The following CADM2 variants were observed in gnomAD, a reference collection of about 807,000 sequenced individuals.
CADM2 encodes the protein cell adhesion molecule 2.
A neutral mutation model predicts 49.8 loss-of-function variants in CADM2; 12 were observed. The observed-to-expected ratio is 0.24, with a 90% confidence interval of 0.15 to 0.39. The LOEUF is 0.39. Among genes scored for constraint, CADM2 ranks in the 10% least tolerant of loss-of-function variants. The pLI, the probability that CADM2 is intolerant of heterozygous loss-of-function variation, is 1.00. For missense variants in CADM2, 378 were observed against 492.3 expected (o/e 0.77, Z 2.20); for synonymous variants, 214 against 175.4 (o/e 1.22, Z -1.74).
intron 1 of CADM2, among the ~76,000 whole-genome samples, chr3:85,400,161 G>A (rs1001663541): frequency 5.5e-4 from 84 of 152,192 alleles, no homozygotes; most frequent in South Asian, 8.3e-4. Context: ...AGCATGAAGC[G>A]TTGTTGAGTT....
chr3:85,203,692 A>C (rs950855638), intron 1 of CADM2, among the ~76,000 whole-genome samples: 1 of 152,238 alleles, frequency 6.6e-6, no homozygotes, highest in African/African-American at 2.4e-5. Context: ...AAAGCCATGC[A>C]GTATCTGCAA....
At chr3:85,701,971 CATAGATAGATAG>C (rs57418964) in intron 1 of CADM2, among the ~76,000 whole-genome samples, 16,547 of 134,150 alleles carry the variant, frequency 0.12, 1,138 homozygotes, top group Non-Finnish European at 0.16. Flanking sequence ...GATAGATAGA[CATAGATAGATAG>C]ATAGATAGAT....
intron 2 of CADM2, among the ~76,000 whole-genome samples, chr3:85,776,712 A>G (rs139466331): frequency 1.3e-5 from 2 of 152,154 alleles, no homozygotes; most frequent in African/African-American, 4.8e-5. Context: ...ATATTTCAAT[A>G]TAAGTGTTAA....
chr3:85,906,764 T>C (rs550962188), intron 5 of CADM2, among the ~76,000 whole-genome samples: 14 of 152,360 alleles, frequency 9.2e-5, no homozygotes, highest in Admixed American at 2.0e-4. Context: ...ATATAGCCAC[T>C]ATGTTTGGTC....
intron 1 of CADM2, among the ~76,000 whole-genome samples, chr3:85,279,400 T>C (rs1264233622): frequency 6.6e-6 from 1 of 151,482 alleles, no homozygotes; most frequent in Non-Finnish European, 1.5e-5. Context: ...CAAAATACCA[T>C]GATAGAAGAT....
intron 1 of CADM2, among the ~76,000 whole-genome samples, chr3:85,689,929 A>T (rs1028757987): frequency 6.6e-6 from 1 of 152,186 alleles, no homozygotes; most frequent in Non-Finnish European, 1.5e-5. Flanking sequence ...GAAAGGAAAA[A>T]ACAGGGCAGT....
intron 8 of CADM2, among the ~76,000 whole-genome samples, chr3:86,026,417 T>C (rs973923137): frequency 6.6e-6 from 1 of 152,104 alleles, no homozygotes; most frequent in African/African-American, 2.4e-5. Flanking sequence ...GATATAATTA[T>C]ACTCACATCC....
intron 6 of CADM2, among the ~76,000 whole-genome samples, chr3:85,933,095 T>C (rs1720797216): frequency 1.3e-5 from 2 of 152,144 alleles, no homozygotes; most frequent in Non-Finnish European, 2.9e-5. Context: ...CCTGCCACTA[T>C]GTAATTTACC....
chr3:85,275,148 T>C (rs1323082066), intron 1 of CADM2, among the ~76,000 whole-genome samples: 3 of 151,582 alleles, frequency 2.0e-5, no homozygotes, highest in Non-Finnish European at 3.0e-5. Context: ...GAAGAATAAC[T>C]TGAGTATTCT....
intron 1 of CADM2, among the ~76,000 whole-genome samples, chr3:85,365,534 A>C (rs962012676): frequency 5.3e-5 from 8 of 152,146 alleles, no homozygotes. Flanking sequence ...ACTGAAATGC[A>C]TGGACAGAAT....
chr3:85,221,712 C>T (rs1347567744), intron 1 of CADM2, among the ~76,000 whole-genome samples: 6 of 152,060 alleles, frequency 3.9e-5, no homozygotes, highest in East Asian at 3.9e-4. Context: ...AACAAGCTAA[C>T]GGTAAGTGGT....
At chr3:85,358,402 T>C (rs1271782305) in intron 1 of CADM2, among the ~76,000 whole-genome samples, 1 of 151,802 alleles carries the variant, frequency 6.6e-6, no homozygotes, top group East Asian at 1.9e-4. Flanking sequence ...AAAATATATA[T>C]ATATAGTTCA....
chr3:85,302,858 T>C (rs1273087848), intron 1 of CADM2, among the ~76,000 whole-genome samples: 2 of 151,846 alleles, frequency 1.3e-5, no homozygotes, highest in African/African-American at 4.8e-5. Context: ...GAATCAAAGG[T>C]TGGACTTGAT....
intron 8 of CADM2, among the ~76,000 whole-genome samples, chr3:85,961,909 T>C (rs1215892210): frequency 1.3e-5 from 2 of 151,832 alleles, no homozygotes; most frequent in Non-Finnish European, 2.9e-5. Flanking sequence ...TGTTGGCTCG[T>C]AAACTATATT....
intron 8 of CADM2, chr3:86,013,518 A>G: frequency 6.2e-7 from 1 of 1,604,720 alleles, no homozygotes; most frequent in Non-Finnish European, 8.5e-7. Flanking sequence ...AGCAGTTAAC[A>G]CGTTGTTTTC....
chr3:84,975,913 A>G (rs1274668358), intron 1 of CADM2, among the ~76,000 whole-genome samples: 1 of 151,856 alleles, frequency 6.6e-6, no homozygotes, highest in Non-Finnish European at 1.5e-5. Flanking sequence ...AATCAAAAGT[A>G]TTATAAGAGT....
chr3:85,911,269 C>T (rs1189947998), intron 5 of CADM2, among the ~76,000 whole-genome samples: 1 of 152,144 alleles, frequency 6.6e-6, no homozygotes. Context: ...AAATTGCCCT[C>T]TTCTTATCAG....
intron 8 of CADM2, among the ~76,000 whole-genome samples, chr3:85,968,693 G>T (rs747941811): frequency 6.6e-6 from 1 of 151,576 alleles, no homozygotes; most frequent in Non-Finnish European, 1.5e-5. Flanking sequence ...TTCTATATTT[G>T]TTTATGTGGA....
chr3:85,935,522 A>T (rs1721101694), intron 6 of CADM2, among the ~76,000 whole-genome samples: 1 of 152,034 alleles, frequency 6.6e-6, no homozygotes, highest in Non-Finnish European at 1.5e-5. Flanking sequence ...TTAAATTCAG[A>T]TTTCAGAAAT....
Sources: gnomAD v4.1 joint callset for allele counts (sites outside exome capture counted in the v4.1 genomes callset) on GRCh38, gnomAD v4.1.1 for gene constraint, MANE v1.5 for transcripts, NCBI Gene and HGNC (gene_info 2026-07-23, HGNC 2026-07-21) for gene names.